RCAN2: variants seen among roughly 807,000 people sequenced by gnomAD.
RCAN2 encodes regulator of calcineurin 2.
RCAN2 carries 9 observed loss-of-function variants against 23.6 expected under a neutral mutation model. The ratio of observed to expected loss-of-function variants is 0.38; its 90% CI spans 0.23 to 0.67. RCAN2 has a LOEUF of 0.67. Ranked by LOEUF, RCAN2 falls within the 30% of genes least tolerant of loss-of-function variation. The pLI is 0.51. For missense variants in RCAN2, 273 were observed against 302.3 expected, an observed-to-expected ratio of 0.90 and a Z score of 0.72; for synonymous variants, 109 against 115.7, an observed-to-expected ratio of 0.94 and a Z score of 0.37.
At chr6:46,337,731 G>T (rs532674606) in intron 2 of RCAN2, among the ~76,000 whole-genome samples, 16 of 152,262 alleles carry the variant, frequency 1.1e-4, no homozygotes, top group African/African-American at 3.6e-4. Context: ...TGAAGTTATC[G>T]CAAGGTGCTG....
At chr6:46,358,212 C>T (rs1764900251) in intron 2 of RCAN2, among the ~76,000 whole-genome samples, 1 of 152,144 alleles carries the variant, frequency 6.6e-6, no homozygotes, top group Non-Finnish European at 1.5e-5. Context: ...TGCAGAAATC[C>T]TTTCTCCTAC....
intron 2 of RCAN2, among the ~76,000 whole-genome samples, chr6:46,364,923 C>CT (rs1243692164): frequency 1.3e-5 from 2 of 152,154 alleles, no homozygotes; most frequent in Admixed American, 1.3e-4. Flanking sequence ...ACTCACCAGC[C>CT]TGTTCCCTCT....
intron 2 of RCAN2, among the ~76,000 whole-genome samples, chr6:46,359,424 AC>A (rs1466948744): frequency 6.6e-6 from 1 of 152,248 alleles, no homozygotes; most frequent in Non-Finnish European, 1.5e-5. Flanking sequence ...ATCTATGTCA[AC>A]ATTCGGCCTA....
chr6:46,459,245 A>C (rs1768144115), intron 1 of RCAN2, among the ~76,000 whole-genome samples: 1 of 152,220 alleles, frequency 6.6e-6, no homozygotes, highest in South Asian at 2.1e-4. Context: ...CAGCATACAA[A>C]TAGATGCTGT....
At chr6:46,240,691 T>C (rs1303930450) in intron 4 of RCAN2, among the ~76,000 whole-genome samples, 5 of 152,206 alleles carry the variant, frequency 3.3e-5, no homozygotes, top group Non-Finnish European at 7.4e-5. Flanking sequence ...AACATAGGTG[T>C]TCATCTATAT....
chr6:46,293,255 A>G (rs1368826142), intron 2 of RCAN2, among the ~76,000 whole-genome samples: 1 of 152,182 alleles, frequency 6.6e-6, no homozygotes, highest in African/African-American at 2.4e-5. Flanking sequence ...TATTCTTAGC[A>G]TCTTACTGTG....
intron 2 of RCAN2, among the ~76,000 whole-genome samples, chr6:46,260,674 C>G (rs1329133419): frequency 6.6e-6 from 1 of 152,110 alleles, no homozygotes; most frequent in African/African-American, 2.4e-5. Flanking sequence ...TCTGGTGGGG[C>G]ACTCACCAGA....
intron 2 of RCAN2, among the ~76,000 whole-genome samples, chr6:46,373,617 G>T (rs915646561): frequency 1.3e-5 from 2 of 152,078 alleles, no homozygotes; most frequent in Non-Finnish European, 2.9e-5. Flanking sequence ...TCACTACTTT[G>T]TTCCCACATT....
At position 46,292,423 on chromosome 6, in the gene RCAN2, G is replaced by GTTTTTTT. The variant is rs869232910; in HGVS notation, c.226-43528_226-43527insAAAAAAA. 2.2e-4 allele frequency among the ~76,000 whole-genome samples: 24 copies of GTTTTTTT among 107,544 alleles called. 1 individual carries two copies. The highest frequency in any genetic ancestry group is 8.0e-4 in the African/African-American group (20 of 25,108). 70.6% of individuals were successfully genotyped at this position (107,544 alleles called of 152,430 possible). A position where few individuals can be genotyped will look rare whatever the true frequency, so the allele number is the denominator to read the frequency against. ...TTGCCATATTCTTGGGAGTTGATTT[G>GTTTTTTT]TTGTTTTTTTTTTTGTTTTTTTTTT... On this transcript the variant is annotated intron_variant, in intron 2 of 4. Coordinates refer to ENST00000371374, the MANE Select transcript of RCAN2 (RefSeq NM_001251974.2).
intron 2 of RCAN2, among the ~76,000 whole-genome samples, chr6:46,321,892 T>A (rs763199051): frequency 6.6e-6 from 1 of 152,222 alleles, no homozygotes; most frequent in East Asian, 1.9e-4. Flanking sequence ...TCCAAGTGCT[T>A]AAGCAGAGCT....
intron 1 of RCAN2, among the ~76,000 whole-genome samples, chr6:46,475,138 T>A (rs1768677971): frequency 6.6e-6 from 1 of 152,148 alleles, no homozygotes; most frequent in African/African-American, 2.4e-5. Context: ...CACTTGGAAA[T>A]TAGGTTGGAG....
At chr6:46,378,926 T>C (rs575385911) in intron 2 of RCAN2, among the ~76,000 whole-genome samples, 1 of 152,314 alleles carries the variant, frequency 6.6e-6, no homozygotes, top group Non-Finnish European at 1.5e-5. Context: ...TTTTGGTCAA[T>C]CTAGAGGGTT....
chr6:46,262,768 G>T (rs2584080), intron 2 of RCAN2, among the ~76,000 whole-genome samples: 2,018 of 152,046 alleles, frequency 0.013, 45 homozygotes, highest in African/African-American at 0.046. Context: ...CTTTGCTTTT[G>T]TTGCCTATAT....
chr6:46,463,270 A>T (rs1189578687), intron 1 of RCAN2, among the ~76,000 whole-genome samples: 1 of 152,246 alleles, frequency 6.6e-6, no homozygotes, highest in Non-Finnish European at 1.5e-5. Context: ...ATAAGTTTTG[A>T]GTTAAAGCTT....
At position 46,243,537 on chromosome 6, in the gene RCAN2, G is replaced by A. The variant is rs148701033; in HGVS notation, c.571+3211C>T. Among the ~76,000 whole-genome samples, 673 of 152,182 alleles carry A rather than the reference G, an allele frequency of 4.4e-3. 3 individuals are homozygous for A. The highest frequency in any genetic ancestry group is 0.022 in the South Asian group (106 of 4,810). On this transcript the variant is annotated intron_variant, in intron 4 of 4. Transcript: ENST00000371374. ...TTAGAAATAATTCTTGAGGCCTAGC[G>A]CGGTGGCTCATGTCTGGAATCCCAG... is the stretch of plus-strand genomic sequence containing the variant.
intron 2 of RCAN2, among the ~76,000 whole-genome samples, chr6:46,257,159 A>G (rs1348451285): frequency 2.0e-5 from 3 of 152,246 alleles, no homozygotes; most frequent in Admixed American, 1.3e-4. Flanking sequence ...AGCTTTCAGC[A>G]GTGACCTCAG....
chr6:46,442,413 C>G (rs1433698623), intron 2 of RCAN2, among the ~76,000 whole-genome samples: 1 of 152,198 alleles, frequency 6.6e-6, no homozygotes, highest in Non-Finnish European at 1.5e-5. Flanking sequence ...GCACCCTGTT[C>G]AGGGCTGCAC....
chr6:46,469,870 A>G (rs1218920721), intron 1 of RCAN2, among the ~76,000 whole-genome samples: 3 of 152,168 alleles, frequency 2.0e-5, no homozygotes, highest in Non-Finnish European at 4.4e-5. Flanking sequence ...GCATTCAGCT[A>G]GCTTGCCCTT....
chr6:46,317,168 T>C (rs1361132670), intron 2 of RCAN2, among the ~76,000 whole-genome samples: 1 of 152,184 alleles, frequency 6.6e-6, no homozygotes, highest in Non-Finnish European at 1.5e-5. Context: ...GGGAAACCCT[T>C]GCATTTTCCA....
Sources: allele counts gnomAD v4.1 joint callset (sites outside exome capture counted in the v4.1 genomes callset), GRCh38; gene constraint gnomAD v4.1.1; transcripts MANE v1.5; gene names NCBI Gene and HGNC (gene_info 2026-07-23, HGNC 2026-07-21).